Variants in ERICH6B observed in about 807,000 individuals in gnomAD.
The protein encoded by ERICH6B is glutamate rich 6B, also known as glutamate-rich protein 6B.
A neutral mutation model predicts 80.0 loss-of-function variants in ERICH6B; 69 were observed. The ratio of observed to expected loss-of-function variants is 0.86; its 90% CI spans 0.71 to 1.05. The LOEUF (loss-of-function observed/expected upper bound fraction) is 1.05, where lower values mean the gene tolerates loss of function less well. Among genes scored for constraint, ERICH6B ranks in the 50% least tolerant of loss-of-function variants. The pLI is 0.00. For synonymous variants in ERICH6B, 283 were observed against 291.9 expected (o/e 0.97, Z 0.31); for missense variants, 754 against 796.1 (o/e 0.95, Z 0.64).
intron 8 of ERICH6B, among the ~76,000 whole-genome samples, chr13:45,570,957 C>T (rs938485429): frequency 6.6e-5 from 10 of 152,118 alleles, no homozygotes; most frequent in South Asian, 4.2e-4. Context: ...ATGTGGCATT[C>T]GCTCCACTGC....
intron 10 of ERICH6B, 128 bp downstream of exon 10, chr13:45,563,599 G>T (rs1012747012): frequency 2.1e-5 from 18 of 861,916 alleles, no homozygotes; most frequent in Middle Eastern, 2.6e-4. Flanking sequence ...GACCACATCA[G>T]CCCTGTAGGC....
intron 13 of ERICH6B, among the ~76,000 whole-genome samples, chr13:45,548,607 G>T (rs958988572): frequency 6.6e-6 from 1 of 152,174 alleles, no homozygotes; most frequent in African/African-American, 2.4e-5. Context: ...GGGACCGTCT[G>T]TTTCTCATCC....
intron 8 of ERICH6B, among the ~76,000 whole-genome samples, chr13:45,572,150 A>T (rs1420488833): frequency 6.6e-6 from 1 of 152,204 alleles, no homozygotes; most frequent in Non-Finnish European, 1.5e-5. Context: ...CTTAACACTC[A>T]GTGTGTACCA....
Position 45,544,930 on chromosome 13 carries a change from C to A in ERICH6B, c.1702G>T (p.Ala568Ser). 6.4e-7 allele frequency: 1 copy of A among 1,551,624 alleles called. No homozygotes were observed. The highest frequency in any genetic ancestry group is 8.7e-7 in the Non-Finnish European group (1 of 1,146,994). Residue 568 changes from alanine to serine, a missense_variant, in exon 14 of 15, where the codon GCC (alanine) becomes TCC (serine). Ala to Ser is a moderately conservative substitution (Grantham distance 99). Transcript: ENST00000298738. ...ATGTTCAGATTCCACCAGTTCCAGG[C>A]CTTCTGGCGTTTGTCTTTGGGGAAG... ...YYFPKDKRQK[A>S]WNWWNLNIHV...
intron 13 of ERICH6B, among the ~76,000 whole-genome samples, chr13:45,545,809 C>T (rs780446281): frequency 3.3e-5 from 5 of 152,136 alleles, no homozygotes; most frequent in Non-Finnish European, 5.9e-5. Flanking sequence ...AAGGGCAGAG[C>T]GTGGCCTTGT....
chr13:45,550,039 T>C lies in ERICH6B; in HGVS notation c.1500A>G (p.Pro500=), dbSNP rs1566285110. The change falls in exon 13 of 15, where the codon CCA becomes CCG. Residue 500 remains proline (P), a synonymous_variant. Coordinates refer to ENST00000298738, the MANE Select transcript of ERICH6B (RefSeq NM_182542.3). ...AGATGAGCATAGCCAGGTTTCCTGA[T>C]GGATAACTGGGAGAAGGTTAAGGCA... The part of the protein sequence containing the change: ...FPDGTGQIHY[P]SGNLAMLILY... 6.4e-7 allele frequency: 1 copy of C among 1,551,754 alleles called. No individual in the cohort carries two copies. The highest frequency in any genetic ancestry group is 8.7e-7 in the Non-Finnish European group (1 of 1,147,084).
At chr13:45,580,047 G>A (rs912759046) in intron 6 of ERICH6B, 73 bp from the exon 7 acceptor site, 2 of 1,233,004 alleles carry the variant, frequency 1.6e-6, no homozygotes, top group Non-Finnish European at 2.3e-6. Context: ...AATCCCTTAT[G>A]GAATCAATTT....
At chr13:45,584,165 A>T (rs1203786199) in intron 5 of ERICH6B, among the ~76,000 whole-genome samples, 3 of 152,200 alleles carry the variant, frequency 2.0e-5, no homozygotes, top group Non-Finnish European at 4.4e-5. Context: ...AATTTCTGTG[A>T]GCATGGATGT....
rs191435991 is a variant in ERICH6B, at chr13:45,565,426, T to C, written c.1188-1638A>G. On this transcript the variant is annotated intron_variant, in intron 9 of 14. Coordinates refer to ENST00000298738, the MANE Select transcript of ERICH6B (RefSeq NM_182542.3). ...GAGTGGATAAAGGAAAGAGCAGGCT[T>C]CCATTCTGAGAGCATGCCTGCACCA... Among the ~76,000 whole-genome samples, 75 of 152,286 alleles carry C rather than the reference T, an allele frequency of 4.9e-4. 1 individual carries two copies. The highest frequency in any genetic ancestry group is 1.8e-3 in the African/African-American group (74 of 41,554).
chr13:45,551,581 T>C (rs1874224575), intron 11 of ERICH6B: 1 of 152,186 alleles, frequency 6.6e-6, no homozygotes, highest in Admixed American at 6.5e-5. Flanking sequence ...ATTGAAAGCA[T>C]TCAGGGTGAT....
In ERICH6B at chr13:45,610,857, G is replaced by GTGTATA. The variant is rs147422113; in HGVS notation, c.-110-3243_-110-3242insTATACA. On this transcript the variant is annotated intron_variant, in intron 1 of 14. Transcript: ENST00000298738. ...ACTGTGTGTGTGTGTGTGTGTGTGT[G>GTGTATA]TATATATATATTTATATATAATATA... 2.5e-3 allele frequency among the ~76,000 whole-genome samples: 369 copies of GTGTATA among 147,036 alleles called. 3 individuals carry two copies. The highest frequency in any genetic ancestry group is 5.7e-3 in the African/African-American group (228 of 40,342).
intron 11 of ERICH6B, among the ~76,000 whole-genome samples, chr13:45,555,080 G>A (rs1184864459): frequency 6.6e-6 from 1 of 152,164 alleles, no homozygotes; most frequent in Non-Finnish European, 1.5e-5. Context: ...ATGTTAGTGG[G>A]GAGGGGGCGC....
intron 13 of ERICH6B, among the ~76,000 whole-genome samples, chr13:45,549,350 A>G (rs924965809): frequency 7.9e-5 from 12 of 152,134 alleles, no homozygotes; most frequent in Non-Finnish European, 1.2e-4. Context: ...GAAGGAAAAA[A>G]TCCTGAAAAG....
Position 45,568,234 on chromosome 13 carries a change from G to A in ERICH6B, c.1187+81C>T, listed in dbSNP as rs1875002886. 6.5e-6 allele frequency: 9 copies of A among 1,389,344 alleles called. No homozygotes were observed. In the Middle Eastern group the frequency reaches 5.5e-4, roughly 85 times the overall value. 86.1% of individuals were successfully genotyped at this position (1,389,344 alleles called of 1,614,324 possible). On this transcript the variant is annotated intron_variant, in intron 9 of 14. Coordinates refer to ENST00000298738, the MANE Select transcript of ERICH6B (RefSeq NM_182542.3). ...CCTGACTTGCTCTTTTTTGTTGATGGCTCAGTTTACACTTTCCCTGCTGCC... is the reference window on the plus strand; with the variant it reads ...CCTGACTTGCTCTTTTTTGTTGATGACTCAGTTTACACTTTCCCTGCTGCC...
At chr13:45,545,073 A>C in intron 13 of ERICH6B, 88 bp from the exon 14 acceptor site, 1 of 1,122,868 alleles carries the variant, frequency 8.9e-7, no homozygotes, top group Non-Finnish European at 1.3e-6. Flanking sequence ...CTTTTCCCCT[A>C]CTTGGCACAG....
intron 5 of ERICH6B, among the ~76,000 whole-genome samples, chr13:45,584,277 G>T (rs374815857): frequency 6.6e-6 from 1 of 152,150 alleles, no homozygotes; most frequent in Non-Finnish European, 1.5e-5. Context: ...GCTCCAGAGC[G>T]TCTTCTCATA....
At chr13:45,569,386 A>G (rs373514130) in intron 8 of ERICH6B, among the ~76,000 whole-genome samples, 11 of 152,238 alleles carry the variant, frequency 7.2e-5, no homozygotes, top group South Asian at 4.1e-4. Context: ...TCAGGCTCCC[A>G]AAGTGCTGGA....
intron 9 of ERICH6B, among the ~76,000 whole-genome samples, chr13:45,566,361 G>A (rs549422956): frequency 6.6e-6 from 1 of 152,356 alleles, no homozygotes; most frequent in East Asian, 1.9e-4. Flanking sequence ...TAATCCCCAA[G>A]ACAATGGGGA....
At chr13:45,561,606 G>A in intron 10 of ERICH6B, 80 bp from the exon 11 acceptor site, 1 of 1,469,544 alleles carries the variant, frequency 6.8e-7, no homozygotes. Flanking sequence ...CTCTCTCAAG[G>A]TGCCAAAGGG....
Sources: gnomAD v4.1 joint callset for allele counts (sites outside exome capture counted in the v4.1 genomes callset) on GRCh38, gnomAD v4.1.1 for gene constraint, MANE v1.5 for transcripts, NCBI Gene and HGNC (gene_info 2026-07-23, HGNC 2026-07-21) for gene names.